ANKS1B: variants seen among roughly 807,000 people sequenced by gnomAD.
The protein encoded by ANKS1B is ankyrin repeat and sterile alpha motif domain-containing protein 1B.
In ANKS1B, 36 loss-of-function variants were observed where a neutral mutation model predicts 148.3. That is an observed-to-expected ratio of 0.24 (90% confidence interval 0.19 to 0.32). ANKS1B has a LOEUF of 0.32. Ranked by LOEUF, ANKS1B falls within the 10% of genes least tolerant of loss-of-function variation. The pLI, the probability that ANKS1B is intolerant of heterozygous loss-of-function variation, is 1.00. For synonymous variants in ANKS1B, 542 were observed against 560.8 expected, an observed-to-expected ratio of 0.97 and a Z score of 0.47; for missense variants, 1,157 against 1,542.6, an observed-to-expected ratio of 0.75 and a Z score of 4.19.
At chr12:99,451,427 G>A (rs1183394834) in intron 10 of ANKS1B, among the ~76,000 whole-genome samples, 2 of 152,084 alleles carry the variant, frequency 1.3e-5, no homozygotes, top group African/African-American at 4.8e-5. Context: ...CTTCTGGCTG[G>A]GAATTCAAGA....
intron 12 of ANKS1B, among the ~76,000 whole-genome samples, chr12:99,360,979 G>A (rs925480027): frequency 6.6e-6 from 1 of 152,036 alleles, no homozygotes; most frequent in African/African-American, 2.4e-5. Flanking sequence ...GGGGGACTGC[G>A]GGGAGGTGGG....
At chr12:99,844,374 C>A (rs1338147788) in intron 1 of ANKS1B, among the ~76,000 whole-genome samples, 1 of 151,946 alleles carries the variant, frequency 6.6e-6, no homozygotes, top group African/African-American at 2.4e-5. Flanking sequence ...TAGTTTTAGG[C>A]TCTACATTTA....
At chr12:99,463,872 G>GA (rs369408341) in intron 10 of ANKS1B, among the ~76,000 whole-genome samples, 7,588 of 152,236 alleles carry the variant, frequency 0.05, 648 homozygotes, top group African/African-American at 0.17. Context: ...GGGCACAGAC[G>GA]ACAAAAAGAC....
At chr12:99,940,250 T>C (rs1404576372) in intron 1 of ANKS1B, among the ~76,000 whole-genome samples, 2 of 152,164 alleles carry the variant, frequency 1.3e-5, no homozygotes, top group Non-Finnish European at 1.5e-5. Context: ...TTTGTGAACA[T>C]CTGGGTCAGT....
chr12:99,290,880 C>T (rs2154008171), intron 12 of ANKS1B, among the ~76,000 whole-genome samples: 1 of 152,078 alleles, frequency 6.6e-6, no homozygotes, highest in Admixed American at 6.5e-5. Context: ...CAAGGATGTC[C>T]TCTTTCACCA....
At chr12:99,139,852 C>CA (rs1405763452) in intron 15 of ANKS1B, among the ~76,000 whole-genome samples, 4 of 152,010 alleles carry the variant, frequency 2.6e-5, no homozygotes, top group African/African-American at 9.7e-5. Flanking sequence ...GGGATCCATT[C>CA]AAAAGGATTC....
chr12:99,663,986 A>G (rs2098491951), intron 8 of ANKS1B, among the ~76,000 whole-genome samples: 1 of 152,096 alleles, frequency 6.6e-6, no homozygotes, highest in Admixed American at 6.5e-5. Context: ...GAACGTTTTT[A>G]TTATCTCTCA....
chr12:98,793,360 G>T (rs1343924345), intron 22 of ANKS1B, among the ~76,000 whole-genome samples: 2 of 152,154 alleles, frequency 1.3e-5, no homozygotes, highest in Non-Finnish European at 2.9e-5. Flanking sequence ...ATGGATTAAA[G>T]ACTTAAATAT....
chr12:99,087,958 G>A (rs1471555437), intron 15 of ANKS1B, among the ~76,000 whole-genome samples: 1 of 152,112 alleles, frequency 6.6e-6, no homozygotes, highest in Non-Finnish European at 1.5e-5. Flanking sequence ...TCCTTTTGAA[G>A]AATTATAGGG....
At chr12:99,594,789 T>A (rs1567434359) in intron 9 of ANKS1B, among the ~76,000 whole-genome samples, 1 of 151,952 alleles carries the variant, frequency 6.6e-6, no homozygotes, top group Non-Finnish European at 1.5e-5. Flanking sequence ...GCTCTAGAAA[T>A]CTGCAGTACA....
chr12:98,963,171 C>CT (rs1568046212), intron 17 of ANKS1B, among the ~76,000 whole-genome samples: 1 of 151,416 alleles, frequency 6.6e-6, no homozygotes, highest in Admixed American at 6.6e-5. Context: ...TTTTCTTTTT[C>CT]TTTTTTTCCT....
chr12:99,942,183 C>A (rs757431808), intron 1 of ANKS1B, among the ~76,000 whole-genome samples: 1 of 152,016 alleles, frequency 6.6e-6, no homozygotes, highest in Non-Finnish European at 1.5e-5. Context: ...GAAAATCAAA[C>A]CAAGCCAAAC....
chr12:99,229,753 C>T (rs773761087), intron 14 of ANKS1B, among the ~76,000 whole-genome samples: 16 of 151,782 alleles, frequency 1.1e-4, no homozygotes, highest in South Asian at 2.1e-4. Context: ...CTTCTGTTGC[C>T]GGTATGAGGT....
chr12:99,336,510 GTATGTCTTTAA>G (rs1392598199), intron 12 of ANKS1B, among the ~76,000 whole-genome samples: 1 of 151,942 alleles, frequency 6.6e-6, no homozygotes, highest in Non-Finnish European at 1.5e-5. Flanking sequence ...GACATTAGAT[GTATGTCTTTAA>G]TCCACTTTGA....
At chr12:99,341,562 G>T (rs1366081421) in intron 12 of ANKS1B, among the ~76,000 whole-genome samples, 1 of 152,022 alleles carries the variant, frequency 6.6e-6, no homozygotes, top group East Asian at 1.9e-4. Flanking sequence ...ATCTAAATTT[G>T]CTCAGTAGAA....
chr12:99,175,606 T>A (rs1193450938), intron 14 of ANKS1B, among the ~76,000 whole-genome samples: 4 of 152,204 alleles, frequency 2.6e-5, no homozygotes, highest in Non-Finnish European at 5.9e-5. Context: ...TGATAAGCAA[T>A]CTTTTTTTAT....
In ANKS1B at chr12:99,889,471, T is replaced by A. The variant is rs562518853; in HGVS notation, c.135-64082A>T. ...TGTCACCAACTTCGGGTATTTCTTA[T>A]TACAAGAGACCTTTTTGCTTAAAGA... On this transcript the variant is annotated intron_variant, in intron 1 of 26. Coordinates refer to ENST00000683438, the MANE Select transcript of ANKS1B (RefSeq NM_001352186.2). Among the ~76,000 whole-genome samples, 10 of 152,330 alleles carry A rather than the reference T, an allele frequency of 6.6e-5. No homozygotes were observed. The South Asian group carries it at 2.1e-3, about 32-fold the overall frequency.
intron 14 of ANKS1B, among the ~76,000 whole-genome samples, chr12:99,223,792 C>A (rs1387845527): frequency 6.6e-6 from 1 of 152,184 alleles, no homozygotes; most frequent in Non-Finnish European, 1.5e-5. Context: ...ATATGCCCAA[C>A]CAGCCAGCTG....
intron 10 of ANKS1B, among the ~76,000 whole-genome samples, chr12:99,479,213 C>G (rs979183514): frequency 3.3e-5 from 5 of 151,796 alleles, no homozygotes; most frequent in Admixed American, 6.6e-5. Context: ...AATTGAACAC[C>G]AAAAATCATT....
Sources: gnomAD v4.1 joint callset for allele counts (sites outside exome capture counted in the v4.1 genomes callset) on GRCh38, gnomAD v4.1.1 for gene constraint, MANE v1.5 for transcripts, NCBI Gene and HGNC (gene_info 2026-07-23, HGNC 2026-07-21) for gene names.